The following ROR1 variants were observed in gnomAD, a reference collection of about 807,000 sequenced individuals.
ROR1 encodes the protein ROR family WNT receptor 1.
Under a neutral mutation model 78.8 loss-of-function variants are expected in ROR1, and 19 were observed. The observed-to-expected ratio is 0.24, with a 90% CI of 0.17 to 0.35. The LOEUF (loss-of-function observed/expected upper bound fraction) is 0.35. Among genes scored for constraint, ROR1 ranks in the 10% least tolerant of loss-of-function variants. The probability of loss-of-function intolerance (pLI) is 1.00; values close to 1 mark genes in which losing one functional copy is unlikely to be tolerated. For synonymous variants in ROR1, 386 were observed against 433.6 expected, an observed-to-expected ratio of 0.89 and a Z score of 1.36; for missense variants, 917 against 1,177.8, an observed-to-expected ratio of 0.78 and a Z score of 3.24.
intron 4 of ROR1, among the ~76,000 whole-genome samples, chr1:64,137,124 T>C (rs976926181): frequency 3.9e-5 from 6 of 152,178 alleles, no homozygotes; most frequent in African/African-American, 7.2e-5. Flanking sequence ...ATAAAAGCAT[T>C]TTCTCCCATA....
chr1:64,036,186 C>T (rs1434361251), intron 2 of ROR1, among the ~76,000 whole-genome samples: 1 of 152,148 alleles, frequency 6.6e-6, no homozygotes, highest in Non-Finnish European at 1.5e-5. Flanking sequence ...AGGACTCGAT[C>T]CCTAGCCTTC....
Position 64,159,061 on chromosome 1 carries a change from G to A in ROR1, c.1255G>A (p.Ala419Thr), listed in dbSNP as rs1212231082. Reference sequence around the variant, plus strand: ...AAGTGTGGCCATTCCCCTGGCCATTGCTTTACTCTTCTTCTTCATTTGCGT... The same window carrying A: ...AAGTGTGGCCATTCCCCTGGCCATTACTTTACTCTTCTTCTTCATTTGCGT... ...VPSVAIPLAI[A>T]LLFFFICVCR... Residue 419 changes from alanine to threonine, a missense_variant, in exon 8 of 9, where the codon GCT (alanine) becomes ACT (threonine). This residue lies in a region of ROR1 where 835 missense variants were observed against 1,069.8 expected (regional missense o/e 0.78). Transcript: ENST00000371079. 1 of 1,614,142 alleles carries A rather than the reference G, an allele frequency of 6.2e-7. No individual in the cohort carries two copies. The highest frequency in any genetic ancestry group is 1.7e-5 in the Admixed American group (1 of 60,018).
At chr1:63,786,358 C>T (rs1416933982) in intron 1 of ROR1, among the ~76,000 whole-genome samples, 1 of 146,826 alleles carries the variant, frequency 6.8e-6, no homozygotes, top group Non-Finnish European at 1.5e-5. Context: ...CTGCAAGCTC[C>T]GCCTCCCGGG....
chr1:64,059,449 G>T (rs902992006), intron 4 of ROR1, among the ~76,000 whole-genome samples: 1 of 152,076 alleles, frequency 6.6e-6, no homozygotes, highest in Non-Finnish European at 1.5e-5. Flanking sequence ...GGTGGCTCAT[G>T]CCTATAATCC....
chr1:64,142,789 A>T, intron 7 of ROR1, 139 bp downstream of exon 7: 1 of 1,453,064 alleles, frequency 6.9e-7, no homozygotes, highest in Admixed American at 2.6e-5. Flanking sequence ...TTTTAGGGTA[A>T]ACCTTGCCGT....
At chr1:63,792,847 A>G (rs1304360953) in intron 1 of ROR1, among the ~76,000 whole-genome samples, 4 of 152,238 alleles carry the variant, frequency 2.6e-5, no homozygotes, top group Non-Finnish European at 5.9e-5. Context: ...TGAATTAACT[A>G]GAGTATCCAG....
intron 1 of ROR1, among the ~76,000 whole-genome samples, chr1:64,001,321 T>A (rs1360303609): frequency 6.6e-6 from 1 of 152,230 alleles, no homozygotes; most frequent in East Asian, 1.9e-4. Flanking sequence ...GATTAGTGGT[T>A]GCCAGTGGTC....
chr1:63,878,474 A>G (rs1014827129), intron 1 of ROR1, among the ~76,000 whole-genome samples: 1 of 142,484 alleles, frequency 7.0e-6, no homozygotes, highest in African/African-American at 2.6e-5. Flanking sequence ...TAATCTATTC[A>G]CCACATTGTA....
chr1:64,087,031 G>A (rs1268002605), intron 4 of ROR1, among the ~76,000 whole-genome samples: 1 of 152,098 alleles, frequency 6.6e-6, no homozygotes, highest in Non-Finnish European at 1.5e-5. Context: ...TGAGCAGTGA[G>A]GGAATCTTTG....
chr1:63,873,250 C>T (rs1645263281), intron 1 of ROR1, among the ~76,000 whole-genome samples: 5 of 152,082 alleles, frequency 3.3e-5, no homozygotes, highest in South Asian at 4.1e-4. Flanking sequence ...GGGCTGAGTG[C>T]CTGTTTGAGT....
At chr1:64,040,959 T>C (rs1352100669) in intron 2 of ROR1, among the ~76,000 whole-genome samples, 1 of 152,180 alleles carries the variant, frequency 6.6e-6, no homozygotes, top group African/African-American at 2.4e-5. Context: ...TAAAGACTGG[T>C]AAAAATCATA....
At chr1:63,939,828 C>G (rs1645822115) in intron 1 of ROR1, among the ~76,000 whole-genome samples, 1 of 152,170 alleles carries the variant, frequency 6.6e-6, no homozygotes, top group Non-Finnish European at 1.5e-5. Flanking sequence ...AGCTTTCTTT[C>G]CTAAACCTGT....
intron 4 of ROR1, chr1:64,106,837 G>A (rs1647837418): frequency 6.6e-6 from 1 of 152,124 alleles, no homozygotes; most frequent in Non-Finnish European, 1.5e-5. Flanking sequence ...GTTTTTTGAT[G>A]TGCGGGTAAT....
At chr1:64,135,088 G>A (rs1649058456) in intron 4 of ROR1, among the ~76,000 whole-genome samples, 1 of 151,886 alleles carries the variant, frequency 6.6e-6, no homozygotes, top group Non-Finnish European at 1.5e-5. Flanking sequence ...CTGGTTTTGG[G>A]GTTTTTTTGT....
rs1417386969 is a variant in ROR1, at chr1:64,158,600, A to G, written c.1175-381A>G. Among the ~76,000 whole-genome samples, 5 of 152,300 alleles carry G rather than the reference A, an allele frequency of 3.3e-5. 1 individual carries two copies. The highest frequency in any genetic ancestry group is 3.9e-4 in the East Asian group (2 of 5,174). On this transcript the variant is annotated intron_variant, in intron 7 of 8. Coordinates refer to ENST00000371079, the MANE Select transcript of ROR1 (RefSeq NM_005012.4). ...CTGATCTGGGCTGGCAGCCAATGGA[A>G]GAAGAGCCCTGTGGTCCACATTAAG...
intron 1 of ROR1, among the ~76,000 whole-genome samples, chr1:63,904,921 A>G (rs968190780): frequency 6.6e-6 from 1 of 152,176 alleles, no homozygotes; most frequent in Admixed American, 6.6e-5. Context: ...CAGCCCTAGC[A>G]TATCAGCCCA....
chr1:63,969,901 T>C lies in ROR1; in HGVS notation c.92-39404T>C, dbSNP rs1646105712. Reference sequence around the variant, plus strand: ...CTGGCTGCCCACTGCCCTTTCTCTTTAATATGGCACTCCTGAGTTCTCCAG... The same window carrying C: ...CTGGCTGCCCACTGCCCTTTCTCTTCAATATGGCACTCCTGAGTTCTCCAG... On this transcript the variant is annotated intron_variant, in intron 1 of 8. Transcript: ENST00000371079. Among the ~76,000 whole-genome samples, 3 of 152,164 alleles carry C rather than the reference T, an allele frequency of 2.0e-5. No individual in the cohort carries two copies. The South Asian group carries it at 6.2e-4, about 32-fold the overall frequency.
chr1:63,775,682 T>G (rs1644612536), intron 1 of ROR1, among the ~76,000 whole-genome samples: 1 of 152,208 alleles, frequency 6.6e-6, no homozygotes, highest in African/African-American at 2.4e-5. Flanking sequence ...CAGAATTAGT[T>G]TTTACTAAAA....
intron 1 of ROR1, among the ~76,000 whole-genome samples, chr1:63,940,953 C>T (rs778356388): frequency 3.9e-5 from 6 of 152,132 alleles, no homozygotes; most frequent in South Asian, 4.1e-4. Flanking sequence ...ACCAACACTG[C>T]GTAACCCGAA....
Sources: gnomAD v4.1 joint callset for allele counts (sites outside exome capture counted in the v4.1 genomes callset) on GRCh38, gnomAD v4.1.1 for gene constraint, gnomAD v4.1.1 regional missense constraint, MANE v1.5 for transcripts, NCBI Gene and HGNC (gene_info 2026-07-23, HGNC 2026-07-21) for gene names.